Variants in GATM observed in about 807,000 individuals in gnomAD.
GATM encodes the protein glycine amidinotransferase, mitochondrial.
GATM carries 23 observed loss-of-function variants against 54.2 expected under a neutral mutation model. The ratio of observed to expected loss-of-function variants is 0.42; its 90% confidence interval spans 0.31 to 0.60. The LOEUF (loss-of-function observed/expected upper bound fraction) is 0.60, where lower values mean the gene tolerates loss of function less well. GATM is among the 20% of genes least tolerant of loss of function. GATM has a pLI of 0.14. For synonymous variants in GATM, 168 were observed against 183.1 expected (o/e 0.92, Z 0.67); for missense variants, 401 against 544.9 (o/e 0.74, Z 2.63).
At chr15:45,371,388 A>G (rs1441875672) in intron 2 of GATM, among the ~76,000 whole-genome samples, 1 of 152,216 alleles carries the variant, frequency 6.6e-6, no homozygotes, top group Non-Finnish European at 1.5e-5. Context: ...AAAAATGTTT[A>G]TTTATATAAT....
intron 3 of GATM, among the ~76,000 whole-genome samples, chr15:45,384,415 G>C (rs991120674): frequency 2.6e-5 from 4 of 152,116 alleles, no homozygotes; most frequent in Admixed American, 2.0e-4. Context: ...CTAGTATAAG[G>C]CCTCTAAACA....
At chr15:45,364,939 C>T in intron 6 of GATM, 79 bp from the exon 7 acceptor site, 1 of 1,151,484 alleles carries the variant, frequency 8.7e-7, no homozygotes, top group Non-Finnish European at 1.3e-6. Flanking sequence ...TAGCCCTTAT[C>T]AGTAATAATT....
chr15:45,365,239 T>C (rs1211201541), intron 6 of GATM, among the ~76,000 whole-genome samples: 1 of 152,178 alleles, frequency 6.6e-6, no homozygotes, highest in Non-Finnish European at 1.5e-5. Context: ...CCACAGTCCT[T>C]CTACTTCTTG....
chr15:45,364,870 C>T lies in GATM; in HGVS notation c.979-10G>A. The T allele has an allele frequency of 6.2e-7, 1 of 1,608,892 alleles. No homozygotes were observed. Among genetic ancestry groups the T allele is most frequent in the South Asian group, 1.1e-5 (1 of 90,884 alleles). Reference sequence around the variant, plus strand: ...TCTTGAAAAGATCAATCTGTAAGACCAAAAAAAACCCCCAAAACCGTTAAA... The same window carrying T: ...TCTTGAAAAGATCAATCTGTAAGACTAAAAAAAACCCCCAAAACCGTTAAA... On this transcript the variant is annotated splice_polypyrimidine_tract_variant and intron_variant, in intron 6 of 8. Coordinates refer to ENST00000396659, the MANE Select transcript of GATM (RefSeq NM_001482.3).
chr15:45,376,183 A>G (rs1012223855), intron 2 of GATM, among the ~76,000 whole-genome samples: 1 of 152,194 alleles, frequency 6.6e-6, no homozygotes, highest in African/African-American at 2.4e-5. Context: ...GTCCTGTGGC[A>G]ATATCCCGTA....
chr15:45,375,337 G>A (rs1045938781), intron 2 of GATM, among the ~76,000 whole-genome samples: 1 of 152,148 alleles, frequency 6.6e-6, no homozygotes, highest in African/African-American at 2.4e-5. Context: ...CCAAAGTGTT[G>A]GGATTACAGG....
intron 3 of GATM, among the ~76,000 whole-genome samples, chr15:45,393,015 C>T (rs751098157): frequency 6.6e-6 from 1 of 152,180 alleles, no homozygotes; most frequent in Non-Finnish European, 1.5e-5. Flanking sequence ...ATAATTAACA[C>T]TGACCACTTA....
At chr15:45,401,048 G>GA (rs1021566499) in intron 1 of GATM, among the ~76,000 whole-genome samples, 2 of 151,998 alleles carry the variant, frequency 1.3e-5, no homozygotes, top group Admixed American at 1.3e-4. Context: ...GGATTAAGAG[G>GA]AAAAAAGAAA....
chr15:45,376,704 T>C lies in GATM; in HGVS notation c.185A>G (p.Lys62Arg). ...GTTGTAAGAAGAGACAGGGCAGTCC[T>C]TGGGCAGAGGCTCAGTGGCTTTGTC... is the stretch of plus-strand genomic sequence containing the variant. ...ADDKATEPLP[K>R]DCPVSSYNEW... Residue 62 changes from lysine (K) to arginine (R), a missense_variant, in exon 2 of 9, where the codon AAG becomes AGG. This residue lies in a region of GATM where 70 missense variants were observed against 61.5 expected (regional missense o/e 1.14). Transcript: ENST00000396659. 6.2e-7 allele frequency: 1 copy of C among 1,614,226 alleles called. No homozygotes were observed. Among genetic ancestry groups the C allele is most frequent in the South Asian group, 1.1e-5 (1 of 91,084 alleles).
chr15:45,374,914 C>T (rs912534120), intron 2 of GATM, among the ~76,000 whole-genome samples: 1 of 152,168 alleles, frequency 6.6e-6, no homozygotes, highest in African/African-American at 2.4e-5. Context: ...ACTAAAGATA[C>T]ATTTGTAACC....
upstream of GATM, among the ~76,000 whole-genome samples, chr15:45,380,281 T>G (rs1889723043): frequency 6.8e-6 from 1 of 146,864 alleles, no homozygotes. Context: ...TATGAGGTAA[T>G]GTGTTACTAC....
rs552261434 is a variant in GATM, at chr15:45,366,061, G to A, written c.963C>T (p.Asp321=). Residue 321 remains aspartate, a synonymous_variant, in exon 6 of 9, where the codon GAC becomes GAT. Coordinates refer to ENST00000396659, the MANE Select transcript of GATM (RefSeq NM_001482.3). ...AATCTCTTACCTGGTGACATGGTCG[G>A]TCAGGGTTGGAAAGCACAATACCAG... is the stretch of plus-strand genomic sequence containing the variant. ...IGPGIVLSNP[D]RPCHQIDLFK... The A allele has an allele frequency of 4.3e-6, 7 of 1,614,104 alleles. No homozygotes were observed. The highest frequency in any genetic ancestry group is 4.5e-5 in the East Asian group (2 of 44,872).
intron 2 of GATM, chr15:45,369,738 G>A: frequency 1.8e-6 from 1 of 555,222 alleles, no homozygotes; most frequent in Non-Finnish European, 3.2e-6. Context: ...GATATTTTGA[G>A]GCCTTTTGCT....
chr15:45,365,185 T>G (rs1216267639), intron 6 of GATM, among the ~76,000 whole-genome samples: 2 of 152,174 alleles, frequency 1.3e-5, no homozygotes, highest in Non-Finnish European at 2.9e-5. Flanking sequence ...ATTGAAAAAT[T>G]TCCTATTTAG....
chr15:45,401,883 T>C (rs1429576253), intron 1 of GATM: 1 of 152,922 alleles, frequency 6.5e-6, no homozygotes, highest in African/African-American at 2.4e-5. Flanking sequence ...ACCTCCCAGA[T>C]TGGAACCCCG....
chr15:45,373,991 T>G (rs1889587034), intron 2 of GATM, among the ~76,000 whole-genome samples: 1 of 152,250 alleles, frequency 6.6e-6, no homozygotes, highest in Admixed American at 6.5e-5. Flanking sequence ...TGGAATGTAA[T>G]TGGCAAACTG....
In GATM at chr15:45,366,520, A is replaced by G; in HGVS notation, c.676-12T>C. 6.2e-7 allele frequency: 1 copy of G among 1,613,824 alleles called. No homozygotes were observed. Among genetic ancestry groups the G allele is most frequent in the Non-Finnish European group, 8.5e-7 (1 of 1,179,944 alleles). On this transcript the variant is annotated splice_polypyrimidine_tract_variant and intron_variant, in intron 4 of 8. Coordinates refer to ENST00000396659, the MANE Select transcript of GATM (RefSeq NM_001482.3). ...TGGATGGGATAATCCTAATTGGAACAAGAATGAACACACACAATGCACTGG... is the reference window on the plus strand; with the variant it reads ...TGGATGGGATAATCCTAATTGGAACGAGAATGAACACACACAATGCACTGG...
intron 2 of GATM, among the ~76,000 whole-genome samples, chr15:45,374,980 A>G (rs12594857): frequency 0.32 from 48,565 of 152,144 alleles, 8,860 homozygotes; most frequent in East Asian, 0.83. Flanking sequence ...TCCCTTAGAT[A>G]TGGAATCCTT....
At chr15:45,372,776 G>T (rs1403032845) in intron 2 of GATM, among the ~76,000 whole-genome samples, 1 of 152,182 alleles carries the variant, frequency 6.6e-6, no homozygotes, top group African/African-American at 2.4e-5. Context: ...ATTTTTTCTT[G>T]TAGAGTTTAT....
Sources: gnomAD v4.1 joint callset for allele counts (sites outside exome capture counted in the v4.1 genomes callset) on GRCh38, gnomAD v4.1.1 for gene constraint, gnomAD v4.1.1 regional missense constraint, MANE v1.5 for transcripts, NCBI Gene and HGNC (gene_info 2026-07-23, HGNC 2026-07-21) for gene names.